Variants in ASPH observed in about 807,000 individuals in gnomAD.
ASPH encodes the protein aspartyl/asparaginyl beta-hydroxylase.
Under a neutral mutation model 118.4 loss-of-function variants are expected in ASPH, and 100 were observed. The observed-to-expected ratio is 0.84, with a 90% CI of 0.72 to 1.00. ASPH has a LOEUF of 1.00. ASPH is among the 50% of genes least tolerant of loss of function. ASPH has a pLI of 0.00. For missense variants in ASPH, 920 were observed against 919.5 expected (o/e 1.00, Z -0.01); for synonymous variants, 315 against 325.6 (o/e 0.97, Z 0.35).
At chr8:61,527,240 G>T (rs1815730419) in intron 21 of ASPH, among the ~76,000 whole-genome samples, 1 of 152,118 alleles carries the variant, frequency 6.6e-6, no homozygotes. Flanking sequence ...GTAAATCATG[G>T]TTCTCTATCA....
At chr8:61,540,728 T>G (rs1821544842) in intron 21 of ASPH, among the ~76,000 whole-genome samples, 1 of 152,204 alleles carries the variant, frequency 6.6e-6, no homozygotes, top group African/African-American at 2.4e-5. Context: ...TACTGAGCAC[T>G]GTCCCCTGCC....
At chr8:61,627,330 A>T (rs1853353668) in intron 13 of ASPH, among the ~76,000 whole-genome samples, 1 of 152,216 alleles carries the variant, frequency 6.6e-6, no homozygotes, top group Non-Finnish European at 1.5e-5. Flanking sequence ...ACAAGTTGCA[A>T]AAACAAATGT....
chr8:61,695,284 A>G (rs570631943), intron 1 of ASPH, among the ~76,000 whole-genome samples: 8 of 152,198 alleles, frequency 5.3e-5, no homozygotes, highest in Non-Finnish European at 1.0e-4. Flanking sequence ...CCTGTTAAAA[A>G]TCCTTTAATG....
At chr8:61,539,702 GTGTGT>G (rs1563745728) in intron 21 of ASPH, among the ~76,000 whole-genome samples, 10,790 of 88,812 alleles carry the variant, frequency 0.12, 429 homozygotes, top group Non-Finnish European at 0.13. Flanking sequence ...CTTCTGGGGT[GTGTGT>G]GTGTGTGTGT....
At chr8:61,522,163 C>A (rs748892396) in intron 22 of ASPH, among the ~76,000 whole-genome samples, 2 of 152,142 alleles carry the variant, frequency 1.3e-5, no homozygotes, top group Non-Finnish European at 2.9e-5. Flanking sequence ...GGAACAAAAT[C>A]ATTATTTATA....
intron 22 of ASPH, among the ~76,000 whole-genome samples, chr8:61,520,028 T>C (rs1416589299): frequency 6.6e-6 from 1 of 152,234 alleles, no homozygotes; most frequent in Non-Finnish European, 1.5e-5. Flanking sequence ...AGGACTATAT[T>C]AGTTGCCAAA....
chr8:61,653,755 T>C, intron 3 of ASPH, 95 bp from the exon 4 acceptor site: 1 of 1,201,944 alleles, frequency 8.3e-7, no homozygotes, highest in Non-Finnish European at 1.2e-6. Flanking sequence ...ATTTAATTAA[T>C]AGTGCTGCTA....
chr8:61,593,006 G>C (rs1478735855), intron 14 of ASPH, among the ~76,000 whole-genome samples: 4 of 152,230 alleles, frequency 2.6e-5, no homozygotes, highest in Non-Finnish European at 4.4e-5. Flanking sequence ...ATCTACGAGT[G>C]TTCCTACAGG....
chr8:61,649,814 C>T (rs924425262), intron 5 of ASPH, among the ~76,000 whole-genome samples: 3 of 152,196 alleles, frequency 2.0e-5, no homozygotes, highest in African/African-American at 7.2e-5. Flanking sequence ...TTTCATGCTA[C>T]AGACAGAAGG....
intron 14 of ASPH, among the ~76,000 whole-genome samples, chr8:61,585,329 G>A (rs763274102): frequency 9.8e-5 from 15 of 152,306 alleles, no homozygotes; most frequent in Non-Finnish European, 1.8e-4. Context: ...AGCTTGAAGG[G>A]TAAGCAGAAT....
rs199637738 is a variant in ASPH, at chr8:61,638,366, A to T, written c.791-3T>A. 2 of 860,808 alleles carry T rather than the reference A, an allele frequency of 2.3e-6. No homozygotes were observed. Among genetic ancestry groups the T allele is most frequent in the Non-Finnish European group, 3.2e-6 (2 of 625,666 alleles). 53.3% of individuals were successfully genotyped at this position (860,808 alleles called of 1,614,324 possible). A position where few individuals can be genotyped will look rare whatever the true frequency, so the allele number is the denominator to read the frequency against. ...ATTTTCTAGAGGTTCATATACTGCT[A>T]AAAAAAAAAAAACAGAAACAAAATC... On this transcript the variant is annotated splice_region_variant and splice_polypyrimidine_tract_variant and intron_variant, in intron 10 of 24. Transcript: ENST00000379454.
chr8:61,678,792 CTAAACCCT>C (rs1160462786), intron 3 of ASPH, among the ~76,000 whole-genome samples: 5 of 152,112 alleles, frequency 3.3e-5, no homozygotes, highest in Non-Finnish European at 1.5e-5. Context: ...AATCTAAAAC[CTAAACCCT>C]TAAAGTTTAA....
chr8:61,686,253 G>A lies in ASPH; in HGVS notation c.104-2065C>T, dbSNP rs78364951. ...TAAATAAAAATACTTGCTGGGCATA[G>A]ATCCTATTGTTGCAGATTAAATCAA... is the stretch of plus-strand genomic sequence containing the variant. On this transcript the variant is annotated intron_variant, in intron 1 of 24. Coordinates refer to ENST00000379454, the MANE Select transcript of ASPH (RefSeq NM_004318.4). 9.1e-3 allele frequency among the ~76,000 whole-genome samples: 1,389 copies of A among 152,236 alleles called. 8 individuals are homozygous for A. The highest frequency in any genetic ancestry group is 0.024 in the South Asian group (115 of 4,828).
intron 2 of ASPH, chr8:61,682,334 C>A (rs1240343151): frequency 4.1e-6 from 5 of 1,211,524 alleles, no homozygotes. Flanking sequence ...GGAAATTGGT[C>A]CTATCACTTA....
intron 3 of ASPH, among the ~76,000 whole-genome samples, chr8:61,662,315 G>C (rs778960804): frequency 1.1e-4 from 17 of 152,000 alleles, no homozygotes; most frequent in Non-Finnish European, 1.8e-4. Context: ...TGTTGTTAGG[G>C]GTATGGCAAA....
At chr8:61,505,680 T>C (rs892971563) in intron 24 of ASPH, among the ~76,000 whole-genome samples, 3 of 152,146 alleles carry the variant, frequency 2.0e-5, no homozygotes, top group Admixed American at 1.3e-4. Flanking sequence ...CACACACATG[T>C]TGATTGGCTC....
chr8:61,571,900 TCTTA>T (rs1314091970), intron 16 of ASPH, among the ~76,000 whole-genome samples: 3 of 152,196 alleles, frequency 2.0e-5, no homozygotes, highest in South Asian at 2.1e-4. Flanking sequence ...ACACACTCTC[TCTTA>T]CTTAATAGCA....
chr8:61,654,150 A>T (rs1373163885), intron 3 of ASPH, among the ~76,000 whole-genome samples: 1 of 152,212 alleles, frequency 6.6e-6, no homozygotes, highest in Non-Finnish European at 1.5e-5. Flanking sequence ...ATTTATTATC[A>T]TCTAAAGGAA....
At chr8:61,632,849 G>T (rs1856181448) in intron 13 of ASPH, among the ~76,000 whole-genome samples, 2 of 152,124 alleles carry the variant, frequency 1.3e-5, no homozygotes, top group Non-Finnish European at 1.5e-5. Flanking sequence ...ATCAGTAATA[G>T]GAATGCACAT....
Sources: gnomAD v4.1 joint callset for allele counts (sites outside exome capture counted in the v4.1 genomes callset) on GRCh38, gnomAD v4.1.1 for gene constraint, MANE v1.5 for transcripts, NCBI Gene and HGNC (gene_info 2026-07-23, HGNC 2026-07-21) for gene names.